PDE11A: variants seen among roughly 807,000 people sequenced by gnomAD.
PDE11A encodes the protein phosphodiesterase 11A.
A neutral mutation model predicts 100.5 loss-of-function variants in PDE11A; 100 were observed. The ratio of observed to expected loss-of-function variants is 1.00; its 90% CI spans 0.85 to 1.18. The LOEUF is 1.18. Ranked by LOEUF, PDE11A falls within the 50% of genes most tolerant of loss-of-function variation. PDE11A has a pLI of 0.00. For missense variants in PDE11A, 1,141 were observed against 1,152.6 expected, an observed-to-expected ratio of 0.99 and a Z score of 0.15; for synonymous variants, 381 against 420.8, an observed-to-expected ratio of 0.91 and a Z score of 1.16.
At chr2:177,702,915 T>C (rs996874985) in intron 13 of PDE11A, among the ~76,000 whole-genome samples, 15 of 152,204 alleles carry the variant, frequency 9.9e-5, no homozygotes, top group Admixed American at 2.6e-4. Flanking sequence ...GCTAGGCGAA[T>C]CTTAGTGATA....
intron 2 of PDE11A, among the ~76,000 whole-genome samples, chr2:177,917,267 AG>A (rs1313254503): frequency 6.6e-6 from 1 of 152,134 alleles, no homozygotes; most frequent in Non-Finnish European, 1.5e-5. Context: ...ATCCAGATGT[AG>A]GCATAAGCAA....
intron 10 of PDE11A, among the ~76,000 whole-genome samples, chr2:177,759,173 G>GCACACACACACACACACACA (rs10541503): frequency 6.8e-6 from 1 of 147,424 alleles, no homozygotes; most frequent in African/African-American, 2.5e-5. Context: ...TGGAGCACGT[G>GCACACACACACACACACACA]CACACACACA....
intron 2 of PDE11A, among the ~76,000 whole-genome samples, chr2:177,911,672 T>C (rs2084882904): frequency 6.6e-6 from 1 of 152,076 alleles, no homozygotes; most frequent in Non-Finnish European, 1.5e-5. Flanking sequence ...TCACTTAAGG[T>C]CAGGAGTTCC....
intron 1 of PDE11A, among the ~76,000 whole-genome samples, chr2:178,046,731 T>C (rs1326014809): frequency 6.6e-6 from 1 of 152,146 alleles, no homozygotes; most frequent in African/African-American, 2.4e-5. Flanking sequence ...CTCTTTACTC[T>C]TCTCGGTCAA....
chr2:177,859,153 G>A (rs1030704681), intron 5 of PDE11A, among the ~76,000 whole-genome samples: 1 of 151,382 alleles, frequency 6.6e-6, no homozygotes, highest in Admixed American at 6.6e-5. Flanking sequence ...GCTAAATGAC[G>A]AGTTAATGGG....
intron 18 of PDE11A, 136 bp from the exon 19 acceptor site, chr2:177,664,085 A>T: frequency 1.5e-6 from 1 of 661,550 alleles, no homozygotes; most frequent in Non-Finnish European, 2.8e-6. Context: ...ATCTTTACAC[A>T]TACTTTCTTT....
At chr2:177,736,653 G>A (rs2081788544) in intron 10 of PDE11A, among the ~76,000 whole-genome samples, 1 of 152,168 alleles carries the variant, frequency 6.6e-6, no homozygotes, top group South Asian at 2.1e-4. Context: ...TACCTAGAAA[G>A]TGGATGCACC....
At chr2:177,758,296 C>CAAAAAAA (rs78765770) in intron 10 of PDE11A, among the ~76,000 whole-genome samples, 1 of 65,004 alleles carries the variant, frequency 1.5e-5, no homozygotes, top group African/African-American at 5.7e-5. Flanking sequence ...GACTCCGTCT[C>CAAAAAAA]AAAAAAAAAA....
intron 4 of PDE11A, among the ~76,000 whole-genome samples, chr2:177,882,524 C>T (rs997268795): frequency 1.3e-5 from 2 of 152,096 alleles, no homozygotes; most frequent in Non-Finnish European, 2.9e-5. Flanking sequence ...TTTTATTATA[C>T]ATTTACTAAA....
intron 9 of PDE11A, among the ~76,000 whole-genome samples, chr2:177,786,792 T>C (rs923165584): frequency 2.6e-5 from 4 of 152,014 alleles, no homozygotes; most frequent in African/African-American, 9.7e-5. Flanking sequence ...GTATCAGTGA[T>C]GGAAGATGAA....
In PDE11A at chr2:177,626,075, C is replaced by T. The variant is rs932761651; in HGVS notation, c.*3332G>A. On this transcript the variant is annotated 3_prime_UTR_variant, in exon 20 of 20. Coordinates refer to ENST00000286063, the MANE Select transcript of PDE11A (RefSeq NM_016953.4). ...GCAGATTGCAATGGTGTTGAACTCCCCTTGCTACCAGTGGATGTTGCTATT... is the reference window on the plus strand; with the variant it reads ...GCAGATTGCAATGGTGTTGAACTCCTCTTGCTACCAGTGGATGTTGCTATT... 2 of 152,534 alleles carry T rather than the reference C, an allele frequency of 1.3e-5. No homozygotes were observed. The highest frequency in any genetic ancestry group is 2.9e-5 in the Non-Finnish European group (2 of 68,042). The allele number at this position is 152,534 out of a possible 1,614,324, so 9.4% of individuals were successfully genotyped here.
At chr2:177,830,328 G>A (rs373856512) in intron 6 of PDE11A, among the ~76,000 whole-genome samples, 4 of 152,148 alleles carry the variant, frequency 2.6e-5, no homozygotes, top group South Asian at 2.1e-4. Context: ...GGCTGGGCGC[G>A]GTAGCTCACG....
At position 178,095,412 on chromosome 2, in the gene PDE11A, G is replaced by C. The variant is rs548304299; in HGVS notation, c.162+8890C>G. On this transcript the variant is annotated intron_variant, in intron 2 of 20. Transcript: ENST00000358450. Reference sequence around the variant, plus strand: ...TGTCTCACATCTGGGTCACGCTGATGCAAGAGGTGGGTTCCCATGGTCTTG... The same window carrying C: ...TGTCTCACATCTGGGTCACGCTGATCCAAGAGGTGGGTTCCCATGGTCTTG... Among the ~76,000 whole-genome samples, 39 of 152,346 alleles carry C rather than the reference G, an allele frequency of 2.6e-4. No individual in the cohort carries two copies. In the South Asian group the frequency reaches 7.5e-3, roughly 29 times the overall value.
chr2:178,071,095 G>C (rs1251512704), intron 1 of PDE11A, among the ~76,000 whole-genome samples: 2 of 152,132 alleles, frequency 1.3e-5, no homozygotes, highest in African/African-American at 4.8e-5. Flanking sequence ...GAAGCATTAT[G>C]GTCCCCAAAA....
At chr2:177,732,081 GGGAAGCCA>G (rs2081700354) in intron 10 of PDE11A, among the ~76,000 whole-genome samples, 6 of 152,200 alleles carry the variant, frequency 3.9e-5, no homozygotes, top group African/African-American at 1.4e-4. Flanking sequence ...AGAACTCAGA[GGGAAGCCA>G]GCCTTTGGTC....
At chr2:177,933,841 C>T (rs2085239050) in intron 2 of PDE11A, among the ~76,000 whole-genome samples, 1 of 152,120 alleles carries the variant, frequency 6.6e-6, no homozygotes, top group Non-Finnish European at 1.5e-5. Flanking sequence ...CCTACAGTCA[C>T]CTGTTGTTCA....
rs530575830 is a variant in PDE11A, at chr2:177,835,070, G to A, written c.1500+5181C>T. ...AGACAGGGTGTATGTGGGTGAGTAC[G>A]ATATTCCCACCCTCTAGGCCCCTGT... On this transcript the variant is annotated intron_variant, in intron 6 of 19. Transcript: ENST00000286063. Among the ~76,000 whole-genome samples, 15 of 152,238 alleles carry A rather than the reference G, an allele frequency of 9.9e-5. No individual in the cohort carries two copies. The South Asian group carries it at 1.2e-3, about 13-fold the overall frequency.
chr2:178,015,540 C>T (rs1354144165), intron 1 of PDE11A, among the ~76,000 whole-genome samples: 1 of 152,022 alleles, frequency 6.6e-6, no homozygotes, highest in Non-Finnish European at 1.5e-5. Context: ...ACTAGAAATT[C>T]CGAAAATTCC....
In PDE11A at chr2:178,071,627, T is replaced by G. The variant is rs776930305; in HGVS notation, c.811A>C (p.Ser271Arg). ...TGCACCTCATTTGAGTTCTCTGTGC[T>G]GCTGCAAGGCAGCAGAGGTGTTCCT... ...HAGTPLLPCS[S>R]TENSNEVQVP... Residue 271 changes from serine to arginine, a missense_variant, in exon 1 of 20, where the codon AGC (serine) becomes CGC (arginine). Coordinates refer to ENST00000286063, the MANE Select transcript of PDE11A (RefSeq NM_016953.4). 4.3e-6 allele frequency: 7 copies of G among 1,613,952 alleles called. No individual in the cohort carries two copies. The South Asian group carries it at 5.5e-5, about 13-fold the overall frequency.
Sources: gnomAD v4.1 joint callset for allele counts (sites outside exome capture counted in the v4.1 genomes callset) on GRCh38, gnomAD v4.1.1 for gene constraint, MANE v1.5 for transcripts, NCBI Gene and HGNC (gene_info 2026-07-23, HGNC 2026-07-21) for gene names.